Variants in KCNMB2 observed in about 807,000 individuals in gnomAD.
KCNMB2 encodes the protein calcium-activated potassium channel subunit beta-2.
In KCNMB2, 9 loss-of-function variants were observed where a neutral mutation model predicts 24.5. The ratio of observed to expected loss-of-function variants is 0.37; its 90% CI spans 0.22 to 0.64. The LOEUF is 0.64. KCNMB2 is among the 30% of genes least tolerant of loss of function. The pLI is 0.63. For missense variants in KCNMB2, 226 were observed against 284.3 expected, an observed-to-expected ratio of 0.79 and a Z score of 1.47; for synonymous variants, 109 against 104.4, an observed-to-expected ratio of 1.04 and a Z score of -0.27.
chr3:178,599,262 A>G (rs1165073891), intron 1 of KCNMB2, among the ~76,000 whole-genome samples: 1 of 152,216 alleles, frequency 6.6e-6, no homozygotes. Context: ...TTACTATTAA[A>G]AAGAATAATT....
chr3:178,582,755 G>A (rs1717263536), intron 1 of KCNMB2, among the ~76,000 whole-genome samples: 1 of 151,870 alleles, frequency 6.6e-6, no homozygotes, highest in Non-Finnish European at 1.5e-5. Context: ...TCTTTCTTAG[G>A]CCTTCTAGAA....
At chr3:178,637,154 G>T (rs1429752447) in intron 1 of KCNMB2, among the ~76,000 whole-genome samples, 2 of 152,038 alleles carry the variant, frequency 1.3e-5, no homozygotes, top group Non-Finnish European at 1.5e-5. Flanking sequence ...GTATAGTGCT[G>T]CAATGAACAT....
At chr3:178,683,225 A>G (rs1721335278) in intron 1 of KCNMB2, among the ~76,000 whole-genome samples, 1 of 152,086 alleles carries the variant, frequency 6.6e-6, no homozygotes, top group Non-Finnish European at 1.5e-5. Flanking sequence ...GCAGAAACAG[A>G]AAACCAAATA....
intron 1 of KCNMB2, among the ~76,000 whole-genome samples, chr3:178,781,011 T>C (rs534075130): frequency 5.3e-5 from 8 of 152,338 alleles, no homozygotes; most frequent in African/African-American, 1.7e-4. Context: ...GCTATAAGTA[T>C]AAAATATGCA....
intron 1 of KCNMB2, among the ~76,000 whole-genome samples, chr3:178,736,771 A>G (rs1264952869): frequency 6.6e-6 from 1 of 152,248 alleles, no homozygotes; most frequent in Non-Finnish European, 1.5e-5. Flanking sequence ...AAAGCTAACA[A>G]AAAATGTTTA....
intron 1 of KCNMB2, among the ~76,000 whole-genome samples, chr3:178,701,121 A>T (rs1255961492): frequency 6.6e-6 from 1 of 152,194 alleles, no homozygotes; most frequent in African/African-American, 2.4e-5. Context: ...TCCATCTTGA[A>T]TTAATTGTTG....
intron 1 of KCNMB2, among the ~76,000 whole-genome samples, chr3:178,793,679 C>T (rs1157106848): frequency 2.0e-5 from 3 of 152,078 alleles, no homozygotes; most frequent in Non-Finnish European, 2.9e-5. Flanking sequence ...GAGCAGAAGA[C>T]GATTAAGAAG....
chr3:178,712,589 G>A (rs908625741), intron 1 of KCNMB2, among the ~76,000 whole-genome samples: 1 of 152,162 alleles, frequency 6.6e-6, no homozygotes, highest in African/African-American at 2.4e-5. Flanking sequence ...GCAATATTAG[G>A]TGTTGTCGGT....
At chr3:178,654,368 A>T (rs541212275) in intron 1 of KCNMB2, among the ~76,000 whole-genome samples, 1 of 152,332 alleles carries the variant, frequency 6.6e-6, no homozygotes, top group East Asian at 1.9e-4. Flanking sequence ...TGAGGGACAT[A>T]GATAAAATAA....
At chr3:178,752,454 T>C (rs1447085475) in intron 1 of KCNMB2, among the ~76,000 whole-genome samples, 1 of 152,170 alleles carries the variant, frequency 6.6e-6, no homozygotes, top group East Asian at 1.9e-4. Flanking sequence ...GGAAGTATAA[T>C]GGGAAATGGT....
intron 1 of KCNMB2, among the ~76,000 whole-genome samples, chr3:178,585,718 T>C (rs1717406430): frequency 2.0e-5 from 3 of 152,220 alleles, no homozygotes; most frequent in South Asian, 2.1e-4. Flanking sequence ...TGATAAAAGC[T>C]GCCTGAGTAG....
chr3:178,668,057 A>G (rs985911681), intron 1 of KCNMB2, among the ~76,000 whole-genome samples: 5 of 152,196 alleles, frequency 3.3e-5, no homozygotes, highest in African/African-American at 1.2e-4. Flanking sequence ...ACTTATAAAC[A>G]TCCAGAAGAG....
At chr3:178,825,976 T>C (rs1461020804) in intron 3 of KCNMB2, among the ~76,000 whole-genome samples, 1 of 152,216 alleles carries the variant, frequency 6.6e-6, no homozygotes, top group Non-Finnish European at 1.5e-5. Context: ...CTTCTACTTC[T>C]TTAATTATCA....
At chr3:178,746,015 G>A (rs777152385) in intron 1 of KCNMB2, among the ~76,000 whole-genome samples, 10 of 152,256 alleles carry the variant, frequency 6.6e-5, no homozygotes, top group Non-Finnish European at 1.3e-4. Flanking sequence ...TACCATTCTG[G>A]GGTCTGGAGG....
At chr3:178,704,166 G>A (rs761899420) in intron 1 of KCNMB2, among the ~76,000 whole-genome samples, 3 of 152,020 alleles carry the variant, frequency 2.0e-5, no homozygotes, top group Non-Finnish European at 4.4e-5. Flanking sequence ...AAGTGTCATT[G>A]TAAAAATTGA....
At chr3:178,632,972 A>G (rs1719376132) in intron 1 of KCNMB2, among the ~76,000 whole-genome samples, 1 of 152,186 alleles carries the variant, frequency 6.6e-6, no homozygotes, top group African/African-American at 2.4e-5. Flanking sequence ...GCAAGTCCAA[A>G]ATCCAATAGG....
In KCNMB2 at chr3:178,553,817, G is replaced by A. The variant is rs556064735; in HGVS notation, c.-68+17106G>A. Among the ~76,000 whole-genome samples the A allele has an allele frequency of 9.3e-4, 141 of 152,208 alleles. 1 individual carries two copies. The highest frequency in any genetic ancestry group is 1.8e-3 in the Non-Finnish European group (121 of 68,008). ...GGTCTCCCAAAGTGCTGGGATTACAGGTTTGAGCCACCGCACCCAGCCAGA... is the reference window on the plus strand; with the variant it reads ...GGTCTCCCAAAGTGCTGGGATTACAAGTTTGAGCCACCGCACCCAGCCAGA... On this transcript the variant is annotated intron_variant, in intron 1 of 4. Transcript: ENST00000452583.
intron 1 of KCNMB2, among the ~76,000 whole-genome samples, chr3:178,714,499 G>A (rs1395144643): frequency 6.6e-6 from 1 of 152,208 alleles, no homozygotes; most frequent in Non-Finnish European, 1.5e-5. Flanking sequence ...AATTTTCCAG[G>A]TGATGACTGG....
rs1715514739 is a variant in KCNMB2, at chr3:178,843,838, T to A, written c.*901T>A. 1 of 152,214 alleles carries A rather than the reference T, an allele frequency of 6.6e-6. No homozygotes were observed. The highest frequency in any genetic ancestry group is 6.5e-5 in the Admixed American group (1 of 15,272). The allele number at this position is 152,214 out of a possible 1,614,324, so 9.4% of individuals were successfully genotyped here. On this transcript the variant is annotated 3_prime_UTR_variant, in exon 5 of 5. Coordinates refer to ENST00000452583, the MANE Select transcript of KCNMB2 (RefSeq NM_181361.3). ...GACTGGTTTCAATGGGTAAATGTGT[T>A]GTGGCAAATTAATGTGTTGGAATAT...
Sources: gnomAD v4.1 joint callset for allele counts (sites outside exome capture counted in the v4.1 genomes callset) on GRCh38, gnomAD v4.1.1 for gene constraint, MANE v1.5 for transcripts, NCBI Gene and HGNC (gene_info 2026-07-23, HGNC 2026-07-21) for gene names.